PRKN: variants seen among roughly 807,000 people sequenced by gnomAD.
The protein encoded by PRKN is parkin RBR E3 ubiquitin protein ligase, also known as E3 ubiquitin-protein ligase parkin.
PRKN carries 56 observed loss-of-function variants against 59.5 expected under a neutral mutation model. The observed-to-expected ratio is 0.94, with a 90% confidence interval of 0.76 to 1.18. The LOEUF (loss-of-function observed/expected upper bound fraction) is 1.18, where lower values mean the gene tolerates loss of function less well. PRKN is among the 50% of genes most tolerant of loss of function. The pLI, the probability that PRKN is intolerant of heterozygous loss-of-function variation, is 0.00. For missense variants in PRKN, 657 were observed against 596.4 expected (o/e 1.10, Z -1.06); for synonymous variants, 250 against 222.1 (o/e 1.13, Z -1.12).
intron 2 of PRKN, among the ~76,000 whole-genome samples, chr6:162,413,514 G>C (rs1360736516): frequency 6.6e-6 from 1 of 152,148 alleles, no homozygotes; most frequent in Non-Finnish European, 1.5e-5. Flanking sequence ...AATGAAACAA[G>C]AACAAAAGGC....
At position 162,727,665 on chromosome 6, in the gene PRKN, T is replaced by C. The variant is rs747682986; in HGVS notation, c.4A>G (p.Ile2Val). Reference protein sequence around the residue: MIVFVRFNSSHG... With the variant: MVVFVRFNSSHG... ...TACCTGGCAGGTACCCACGTACCTATCATGGTCACTGGGTAGGTGGCGGCT... is the reference window on the plus strand; with the variant it reads ...TACCTGGCAGGTACCCACGTACCTACCATGGTCACTGGGTAGGTGGCGGCT... The change falls in exon 1 of 12, where the codon ATA becomes GTA. Residue 2 changes from isoleucine to valine, a missense_variant. Physicochemically the swap from Ile to Val is conservative, Grantham distance 29 (BLOSUM62 3). Coordinates refer to ENST00000366898, the MANE Select transcript of PRKN (RefSeq NM_004562.3). 11 of 1,583,762 alleles carry C rather than the reference T, an allele frequency of 6.9e-6. No homozygotes were observed. Among genetic ancestry groups the C allele is most frequent in the Non-Finnish European group, 8.6e-6 (10 of 1,166,012 alleles).
intron 1 of PRKN, among the ~76,000 whole-genome samples, chr6:162,622,646 C>T (rs1253421900): frequency 6.6e-6 from 1 of 152,048 alleles, no homozygotes; most frequent in Non-Finnish European, 1.5e-5. Flanking sequence ...TCTGATAATC[C>T]TAGTTACTTT....
At chr6:162,160,162 C>G (rs1261203773) in intron 4 of PRKN, among the ~76,000 whole-genome samples, 1 of 152,146 alleles carries the variant, frequency 6.6e-6, no homozygotes, top group Admixed American at 6.5e-5. Flanking sequence ...TGATGAAGAA[C>G]TTGCATCTAG....
At chr6:162,117,390 C>T (rs1418915715) in intron 4 of PRKN, among the ~76,000 whole-genome samples, 1 of 152,208 alleles carries the variant, frequency 6.6e-6, no homozygotes, top group Non-Finnish European at 1.5e-5. Context: ...GGCTTAATCA[C>T]AGATCCCACG....
At chr6:162,095,549 T>C (rs1779690259) in intron 4 of PRKN, among the ~76,000 whole-genome samples, 1 of 152,174 alleles carries the variant, frequency 6.6e-6, no homozygotes, top group Admixed American at 6.5e-5. Context: ...GACCTATTAA[T>C]TTAAGTAATA....
At chr6:162,713,345 T>G (rs1389540992) in intron 1 of PRKN, among the ~76,000 whole-genome samples, 1 of 151,888 alleles carries the variant, frequency 6.6e-6, no homozygotes, top group East Asian at 1.9e-4. Flanking sequence ...ATACAAAAAA[T>G]TAGCCACGCG....
chr6:162,358,271 T>A (rs562272921), intron 2 of PRKN, among the ~76,000 whole-genome samples: 2 of 152,214 alleles, frequency 1.3e-5, no homozygotes, highest in African/African-American at 4.8e-5. Flanking sequence ...ATAAACAGTT[T>A]GGAATATTTT....
rs530444555 is a variant in PRKN at position 162,383,438 on chromosome 6, A to G, written c.171+59872T>C. Among the ~76,000 whole-genome samples, 10 of 152,286 alleles carry G rather than the reference A, an allele frequency of 6.6e-5. No homozygotes were observed. In the South Asian group the frequency reaches 1.9e-3, roughly 28 times the overall value. The stretch of plus-strand genomic sequence containing the variant: ...TCATGAATGAGTGGTAATGTTCTGA[A>G]GAGTCATTTTTTTCTGAGCATTAGG... On this transcript the variant is annotated intron_variant, in intron 2 of 11. Coordinates refer to ENST00000366898, the MANE Select transcript of PRKN (RefSeq NM_004562.3).
intron 7 of PRKN, among the ~76,000 whole-genome samples, chr6:161,779,418 TTTTCTC>T (rs1790094288): frequency 7.2e-6 from 1 of 138,066 alleles, no homozygotes; most frequent in Non-Finnish European, 1.5e-5. Flanking sequence ...CTTTTCTTTT[TTTTCTC>T]TTTTTCTTTT....
At chr6:161,664,032 C>G (rs1021446272) in intron 7 of PRKN, among the ~76,000 whole-genome samples, 2 of 152,208 alleles carry the variant, frequency 1.3e-5, no homozygotes, top group Admixed American at 6.5e-5. Flanking sequence ...GATCTTGCCC[C>G]TAAACCCCTT....
At chr6:162,554,015 C>A (rs904213593) in intron 1 of PRKN, among the ~76,000 whole-genome samples, 1 of 152,000 alleles carries the variant, frequency 6.6e-6, no homozygotes, top group Non-Finnish European at 1.5e-5. Context: ...CTGCAAGCAC[C>A]GCAGCTGTCG....
At chr6:162,252,663 T>C (rs981110911) in intron 3 of PRKN, among the ~76,000 whole-genome samples, 1 of 152,208 alleles carries the variant, frequency 6.6e-6, no homozygotes, top group Non-Finnish European at 1.5e-5. Context: ...GCACCATCTA[T>C]GAACCAGCAA....
intron 7 of PRKN, among the ~76,000 whole-genome samples, chr6:161,669,523 G>A (rs1029707096): frequency 1.3e-5 from 2 of 152,200 alleles, no homozygotes; most frequent in African/African-American, 4.8e-5. Flanking sequence ...GTATGTTTCC[G>A]ATGTTCCAAT....
intron 1 of PRKN, among the ~76,000 whole-genome samples, chr6:162,652,847 GATTTATTAAAAATTCCTTC>G (rs1778497844): frequency 6.6e-6 from 1 of 151,968 alleles, no homozygotes; most frequent in Non-Finnish European, 1.5e-5. Flanking sequence ...CCCCCGATAA[GATTTATTAAAAATTCCTTC>G]TAAATGACTA....
chr6:161,465,321 C>T (rs1431619622), intron 9 of PRKN, among the ~76,000 whole-genome samples: 5 of 152,126 alleles, frequency 3.3e-5, no homozygotes, highest in East Asian at 1.9e-4. Context: ...CATTTTTATA[C>T]GTTCTGATGT....
intron 9 of PRKN, among the ~76,000 whole-genome samples, chr6:161,436,812 A>G (rs1224418706): frequency 6.6e-6 from 1 of 152,046 alleles, no homozygotes; most frequent in Admixed American, 6.6e-5. Context: ...AGTAGCTTTC[A>G]GTGTCTGAAA....
At chr6:162,359,079 A>AAAATATATATATATATATATATATAT (rs57265104) in intron 2 of PRKN, among the ~76,000 whole-genome samples, 3 of 83,238 alleles carry the variant, frequency 3.6e-5, no homozygotes, top group African/African-American at 2.2e-4. Context: ...AAAAAAAAAA[A>AAAATATATATATATATATATATATAT]ATATATATAT....
intron 6 of PRKN, among the ~76,000 whole-genome samples, chr6:161,969,370 G>A (rs2128250767): frequency 1.3e-5 from 2 of 151,440 alleles, no homozygotes; most frequent in South Asian, 2.1e-4. Context: ...CCCGGAGAAA[G>A]TGACCAGCCT....
intron 10 of PRKN, among the ~76,000 whole-genome samples, chr6:161,368,321 A>ATATATATTTGTATATATATTTG (rs1227788115): frequency 4.2e-5 from 6 of 142,066 alleles, no homozygotes; most frequent in African/African-American, 1.1e-4. Flanking sequence ...ATATATATTT[A>ATATATATTTGTATATATATTTG]TATATATTTG....
Sources: allele counts gnomAD v4.1 joint callset (sites outside exome capture counted in the v4.1 genomes callset), GRCh38; gene constraint gnomAD v4.1.1; transcripts MANE v1.5; gene names NCBI Gene and HGNC (gene_info 2026-07-23, HGNC 2026-07-21).